TRIM10: variants seen among roughly 807,000 people sequenced by gnomAD.
TRIM10 encodes the protein tripartite motif-containing protein 10.
TRIM10 carries 42 observed loss-of-function variants against 40.0 expected under a neutral mutation model. The observed-to-expected ratio is 1.05, with a 90% CI of 0.82 to 1.36. The LOEUF is 1.36. Among genes scored for constraint, TRIM10 ranks in the 40% most tolerant of loss-of-function variants. TRIM10 has a pLI of 0.00. For missense variants in TRIM10, 601 were observed against 608.3 expected (o/e 0.99, Z 0.13); for synonymous variants, 260 against 239.5 (o/e 1.09, Z -0.79).
chr6:30,153,727 G>A lies in TRIM10; in HGVS notation c.*242C>T. The A allele has an allele frequency of 6.2e-7, 1 of 1,613,084 alleles. No homozygotes were observed. On this transcript the variant is annotated 3_prime_UTR_variant, in exon 7 of 7. Coordinates refer to ENST00000449742, the MANE Select transcript of TRIM10 (RefSeq NM_006778.4). ...CTGTGCCAAGCACGGATGGTGGTGA[G>A]CAGAACTGGCAGCAGCCTGAGTCCC...
Position 30,160,930 on chromosome 6 carries a change from C to G in TRIM10, c.-72G>C, listed in dbSNP as rs1773041466. 7.0e-7 allele frequency: 1 copy of G among 1,426,804 alleles called. No individual in the cohort carries two copies. Among genetic ancestry groups the G allele is most frequent in the Non-Finnish European group, 9.4e-7 (1 of 1,067,560 alleles). 88.4% of individuals were successfully genotyped at this position (1,426,804 alleles called of 1,614,324 possible). On this transcript the variant is annotated 5_prime_UTR_variant, in exon 1 of 7. Transcript: ENST00000449742. ...GCCACGGGGGAAGGGCTGGGTCACA[C>G]ACTCACACACCCACACATGCACATG...
chr6:30,157,465 T>G, intron 3 of TRIM10, 74 bp from the exon 4 acceptor site: 1 of 1,399,352 alleles, frequency 7.1e-7, no homozygotes, highest in Admixed American at 2.2e-5. Context: ...TTTTTCTACT[T>G]TTATTTTATT....
At chr6:30,154,975 G>A (rs918371607) in intron 6 of TRIM10, among the ~76,000 whole-genome samples, 1 of 152,050 alleles carries the variant, frequency 6.6e-6, no homozygotes, top group African/African-American at 2.4e-5. Flanking sequence ...CTTCCCTCCT[G>A]GCAGGCTCTC....
chr6:30,160,351 G>A (rs1206711684), intron 1 of TRIM10, 79 bp downstream of exon 1: 1 of 1,498,158 alleles, frequency 6.7e-7, no homozygotes, highest in Non-Finnish European at 9.0e-7. Flanking sequence ...CCTCCGGGTG[G>A]CCTAAATAAT....
intron 5 of TRIM10, 144 bp from the exon 6 acceptor site, chr6:30,155,903 C>T: frequency 1.4e-6 from 1 of 727,568 alleles, no homozygotes; most frequent in Non-Finnish European, 2.3e-6. Context: ...TGGTTCCAAG[C>T]TTGCATCAGA....
In TRIM10 at chr6:30,157,359, T is replaced by C. The variant is rs1342831937; in HGVS notation, c.779+10A>G. ...ATGGAAAAAGAAAAGAGAGAAACTA[T>C]ATTGCTTACCTTATTAGAGTGCTTC... On this transcript the variant is annotated intron_variant, in intron 4 of 6. Coordinates refer to ENST00000449742, the MANE Select transcript of TRIM10 (RefSeq NM_006778.4). The C allele has an allele frequency of 5.6e-6, 9 of 1,597,716 alleles. No homozygotes were observed. The highest frequency in any genetic ancestry group is 1.7e-6 in the Non-Finnish European group (2 of 1,174,308).
Position 30,153,503 on chromosome 6 carries a change from A to T in TRIM10, c.*466T>A. On this transcript the variant is annotated 3_prime_UTR_variant, in exon 7 of 7. Coordinates refer to ENST00000449742, the MANE Select transcript of TRIM10 (RefSeq NM_006778.4). ...CTATATTTTCAAGTCACCAGTGGCC[A>T]CCACACTGCTTGGTTCATAGTTAAC... The T allele has an allele frequency of 1.7e-6, 1 of 604,652 alleles. No homozygotes were observed. Among genetic ancestry groups the T allele is most frequent in the Non-Finnish European group, 2.9e-6 (1 of 343,916 alleles). The allele number at this position is 604,652 out of a possible 1,614,324, so 37.5% of individuals were successfully genotyped here.
chr6:30,160,738 T>A lies in TRIM10; in HGVS notation c.121A>T (p.Thr41Ser), dbSNP rs755143232. 4 of 1,614,156 alleles carry A rather than the reference T, an allele frequency of 2.5e-6. No homozygotes were observed. The Admixed American group carries it at 6.7e-5, about 27-fold the overall frequency. ...CGHNFCRACL[T>S]RYCEIPGPDL... ...GGGCCTGGTATCTCACAGTAGCGGGTAAGGCAGGCCCGGCAGAAGTTGTGG... is the reference window on the plus strand; with the variant it reads ...GGGCCTGGTATCTCACAGTAGCGGGAAAGGCAGGCCCGGCAGAAGTTGTGG... Residue 41 changes from threonine to serine, a missense_variant, in exon 1 of 7, where the codon ACC becomes TCC. Transcript: ENST00000449742.
rs1347319768 is a variant in TRIM10, at chr6:30,154,381, G to A, written c.1034C>T (p.Pro345Leu). ...ACAGGTGGCCCGGTCAAAACGTTGG[G>A]GGTTGTCTGGTGAGTTCTGCCATTT... ...SYKWQNSPDN[P>L]QRFDRATCVL... The change falls in exon 7 of 7, where the codon CCC becomes CTC. Residue 345 changes from proline to leucine, a missense_variant. Pro to Leu is a moderately conservative substitution (Grantham distance 98). Coordinates refer to ENST00000449742, the MANE Select transcript of TRIM10 (RefSeq NM_006778.4). 2 of 1,612,860 alleles carry A rather than the reference G, an allele frequency of 1.2e-6. No homozygotes were observed. The highest frequency in any genetic ancestry group is 1.3e-5 in the African/African-American group (1 of 74,898).
intron 2 of TRIM10, 99 bp from the exon 3 acceptor site, chr6:30,158,728 A>G (rs1772807986): frequency 5.1e-6 from 5 of 974,942 alleles, no homozygotes; most frequent in Non-Finnish European, 8.0e-6. Flanking sequence ...GAACTGTGTC[A>G]TGGTTTCCTT....
chr6:30,163,577 TTG>T, upstream of TRIM10: 115 of 1,414,930 alleles, frequency 8.1e-5, no homozygotes, highest in Middle Eastern at 2.5e-4. Flanking sequence ...TCTCTTAGCC[TTG>T]CAGCCGTTTC....
chr6:30,160,679 G>T lies in TRIM10; in HGVS notation c.180C>A (p.Cys60Ter), dbSNP rs770517928. Residue 60 changes from cysteine (C) to a stop codon, truncating the protein, a stop_gained, in exon 1 of 7, where the codon TGC (cysteine) becomes TGA (stop). Coordinates refer to ENST00000449742, the MANE Select transcript of TRIM10 (RefSeq NM_006778.4). LOFTEE classifies it high-confidence loss of function. The part of the protein sequence containing the change: ...DLEESPTCPL[C>*]KEPFRPGSFR... ...AGCTCCCAGGACGGAAGGGTTCTTT[G>T]CAGAGTGGGCAAGTAGGGGACTCCT... The T allele has an allele frequency of 6.2e-6, 10 of 1,614,228 alleles. No homozygotes were observed. The highest frequency in any genetic ancestry group is 8.5e-6 in the Non-Finnish European group (10 of 1,180,040).
chr6:30,156,121 G>T (rs1772508957), intron 5 of TRIM10, among the ~76,000 whole-genome samples: 2 of 152,184 alleles, frequency 1.3e-5, no homozygotes, highest in Non-Finnish European at 2.9e-5. Flanking sequence ...AAATGCTCAA[G>T]AAATATCTGC....
chr6:30,154,351 A>G lies in TRIM10; in HGVS notation c.1064T>C (p.Leu355Pro), dbSNP rs1166139378. The G allele has an allele frequency of 1.5e-5, 25 of 1,613,112 alleles. No individual in the cohort carries two copies. The highest frequency in any genetic ancestry group is 2.0e-5 in the Non-Finnish European group (24 of 1,180,020). The change falls in exon 7 of 7, where the codon CTG (leucine) becomes CCG (proline). Residue 355 changes from leucine (L) to proline (P), a missense_variant. Leu to Pro is a moderately conservative substitution (Grantham distance 98, BLOSUM62 -3). Transcript: ENST00000449742. Reference sequence around the variant, plus strand: ...CCCCCCTGTGATGCCAGTGTGGGCCAGAACACAGGTGGCCCGGTCAAAACG... The same window carrying G: ...CCCCCCTGTGATGCCAGTGTGGGCCGGAACACAGGTGGCCCGGTCAAAACG... The part of the protein sequence containing the change: ...PQRFDRATCV[L>P]AHTGITGGRH...
At chr6:30,159,309 C>A in intron 1 of TRIM10, 64 bp from the exon 2 acceptor site, 2 of 1,157,826 alleles carry the variant, frequency 1.7e-6, no homozygotes, top group Non-Finnish European at 2.6e-6. Context: ...GTCTGGTCAT[C>A]TGACCCTCTG....
chr6:30,163,816 C>G (rs372226825), upstream of TRIM10: 2 of 1,612,942 alleles, frequency 1.2e-6, no homozygotes, highest in African/African-American at 2.7e-5. Flanking sequence ...CCGCGCTCTC[C>G]CAGATGGGGG....
At chr6:30,161,967 T>C (rs1773129007), upstream of TRIM10, among the ~76,000 whole-genome samples, 1 of 152,172 alleles carries the variant, frequency 6.6e-6, no homozygotes, top group South Asian at 2.1e-4. Flanking sequence ...TTTAAATTTG[T>C]GAAAAGCCTT....
chr6:30,160,377 TTC>T lies in TRIM10; in HGVS notation c.429+51_429+52del, dbSNP rs1027506616. ...CCTAAATAATCCACAACTCTGCTGT[TTC>T]TCTTAGTCCAGTCCAGTCCACCCTG... On this transcript the variant is annotated intron_variant, in intron 1 of 6. Transcript: ENST00000449742. 1.5e-5 allele frequency: 23 copies of T among 1,557,544 alleles called. No individual in the cohort carries two copies. In the African/African-American group the frequency reaches 3.1e-4, roughly 21 times the overall value.
At chr6:30,155,868 TG>T in intron 5 of TRIM10, 109 bp from the exon 6 acceptor site, 2 of 1,053,444 alleles carry the variant, frequency 1.9e-6, no homozygotes, top group Non-Finnish European at 2.8e-6. Context: ...AGAAGAAGAA[TG>T]TAAGCTGGAA....
Sources: gnomAD v4.1 joint callset for allele counts (sites outside exome capture counted in the v4.1 genomes callset) on GRCh38, gnomAD v4.1.1 for gene constraint, MANE v1.5 for transcripts, NCBI Gene and HGNC (gene_info 2026-07-23, HGNC 2026-07-21) for gene names.